BLK: variants seen among roughly 807,000 people sequenced by gnomAD.
BLK encodes the protein tyrosine-protein kinase Blk.
A neutral mutation model predicts 61.8 loss-of-function variants in BLK; 64 were observed. That is an observed-to-expected ratio of 1.03 (90% CI 0.85 to 1.27). BLK has a LOEUF of 1.27. BLK is among the 50% of genes most tolerant of loss of function. BLK has a pLI of 0.00. For missense variants in BLK, 853 were observed against 660.5 expected, an observed-to-expected ratio of 1.29 and a Z score of -3.19; for synonymous variants, 351 against 272.0, an observed-to-expected ratio of 1.29 and a Z score of -2.86.
In BLK at chr8:11,561,373, G is replaced by T. The variant is rs1801500191; in HGVS notation, c.1101G>T (p.Leu367=). 6.2e-7 allele frequency: 1 copy of T among 1,614,004 alleles called. No individual in the cohort carries two copies. Among genetic ancestry groups the T allele is most frequent in the South Asian group, 1.1e-5 (1 of 91,072 alleles). Reference sequence around the variant, plus strand: ...GCGACCTGCGGGCGGCCAACATCCTGGTGTCTGAGGCCTTGTGCTGCAAAA... The same window carrying T: ...GCGACCTGCGGGCGGCCAACATCCTTGTGTCTGAGGCCTTGTGCTGCAAAA... The part of the protein sequence containing the change: ...IHRDLRAANI[L]VSEALCCKIA... The change falls in exon 11 of 13, where the codon CTG becomes CTT. Residue 367 remains leucine (L), a synonymous_variant. Transcript: ENST00000259089.
At chr8:11,495,719 G>A (rs921043728) in intron 1 of BLK, among the ~76,000 whole-genome samples, 1 of 152,130 alleles carries the variant, frequency 6.6e-6, no homozygotes, top group South Asian at 2.1e-4. Flanking sequence ...CCCAGAATTC[G>A]CATCCTGTAT....
chr8:11,550,870 T>C (rs1487500141), intron 6 of BLK, among the ~76,000 whole-genome samples: 1 of 152,226 alleles, frequency 6.6e-6, no homozygotes, highest in African/African-American at 2.4e-5. Context: ...AAAACACATA[T>C]AAAGCTTGCA....
intron 2 of BLK, among the ~76,000 whole-genome samples, chr8:11,543,910 A>T (rs1200114848): frequency 3.3e-5 from 5 of 152,046 alleles, no homozygotes; most frequent in South Asian, 4.1e-4. Context: ...ATGCAGTTTG[A>T]TTTGTTTATA....
At chr8:11,529,858 C>T (rs1268127121) in intron 1 of BLK, among the ~76,000 whole-genome samples, 1 of 152,130 alleles carries the variant, frequency 6.6e-6, no homozygotes, top group Non-Finnish European at 1.5e-5. Flanking sequence ...TTTCAAAAGT[C>T]CTAGCTTCAG....
chr8:11,532,745 G>A (rs567775839), intron 1 of BLK, among the ~76,000 whole-genome samples: 1 of 152,330 alleles, frequency 6.6e-6, no homozygotes, highest in South Asian at 2.1e-4. Context: ...TGAGAGTCAT[G>A]TTTTTCTGTT....
intron 1 of BLK, among the ~76,000 whole-genome samples, chr8:11,521,522 C>T (rs1353363428): frequency 6.6e-6 from 1 of 152,230 alleles, no homozygotes; most frequent in Non-Finnish European, 1.5e-5. Flanking sequence ...AATTCCTGGG[C>T]TTAAGTGGTA....
At chr8:11,544,579 T>C (rs962279938) in intron 2 of BLK, among the ~76,000 whole-genome samples, 1 of 152,200 alleles carries the variant, frequency 6.6e-6, no homozygotes, top group Non-Finnish European at 1.5e-5. Flanking sequence ...GATTGAGTAA[T>C]TTCCCCAAAA....
chr8:11,497,909 G>C (rs1272605944), intron 1 of BLK, among the ~76,000 whole-genome samples: 1 of 152,194 alleles, frequency 6.6e-6, no homozygotes, highest in Non-Finnish European at 1.5e-5. Flanking sequence ...TGCCAGCTGG[G>C]AGTGTGAAGT....
At chr8:11,527,055 G>A (rs1799685017) in intron 1 of BLK, among the ~76,000 whole-genome samples, 1 of 152,116 alleles carries the variant, frequency 6.6e-6, no homozygotes, top group Non-Finnish European at 1.5e-5. Context: ...TTCGTTAGAG[G>A]ACGTCCTAGT....
At chr8:11,521,081 A>G (rs980562402) in intron 1 of BLK, among the ~76,000 whole-genome samples, 2 of 152,230 alleles carry the variant, frequency 1.3e-5, no homozygotes, top group Non-Finnish European at 2.9e-5. Flanking sequence ...ATGTGGTTCT[A>G]TGCAGGAAAA....
chr8:11,546,228 T>A, intron 3 of BLK, 125 bp downstream of exon 3: 2 of 1,175,262 alleles, frequency 1.7e-6, no homozygotes, highest in Non-Finnish European at 2.5e-6. Flanking sequence ...ACGGGGAAGC[T>A]GAGAGAGGCC....
At position 11,549,017 on chromosome 8, in the gene BLK, C is replaced by A. The variant is rs1800779424; in HGVS notation, c.270-7C>A. 6.2e-7 allele frequency: 1 copy of A among 1,603,810 alleles called. No individual in the cohort carries two copies. The highest frequency in any genetic ancestry group is 8.5e-7 in the Non-Finnish European group (1 of 1,174,980). ...GATCTCATCTCTGTTTCCCCTGCTC[C>A]CATTAGAACTGGAGACTGGTGGCTG... On this transcript the variant is annotated splice_polypyrimidine_tract_variant and splice_region_variant and intron_variant, in intron 4 of 12. Coordinates refer to ENST00000259089, the MANE Select transcript of BLK (RefSeq NM_001715.3).
intron 5 of BLK, among the ~76,000 whole-genome samples, chr8:11,549,598 A>T (rs943278499): frequency 1.3e-5 from 2 of 152,208 alleles, no homozygotes; most frequent in Non-Finnish European, 2.9e-5. Flanking sequence ...GGACTCGGCC[A>T]GCCAGAGCCC....
chr8:11,539,015 G>GAAAA (rs753237625), intron 1 of BLK, among the ~76,000 whole-genome samples: 1 of 151,876 alleles, frequency 6.6e-6, no homozygotes, highest in Non-Finnish European at 1.5e-5. Context: ...AATCCATTTA[G>GAAAA]AAAATACTTT....
rs776342813 is a variant in BLK at position 11,558,011 on chromosome 8, C to G, written c.1002C>G (p.Leu334=). 3.1e-6 allele frequency: 5 copies of G among 1,613,986 alleles called. No homozygotes were observed. Among genetic ancestry groups the G allele is most frequent in the Middle Eastern group, 1.6e-4 (1 of 6,082 alleles). Reference sequence around the variant, plus strand: ...CAGATGAAGGGAGCAGATTGTCACTCCCAAGGCTGATTGACATGTCGGCGC... The same window carrying G: ...CAGATGAAGGGAGCAGATTGTCACTGCCAAGGCTGATTGACATGTCGGCGC... ...LKTDEGSRLS[L]PRLIDMSAQI... The change falls in exon 10 of 13, where the codon CTC becomes CTG. Residue 334 remains leucine (L), a synonymous_variant. Coordinates refer to ENST00000259089, the MANE Select transcript of BLK (RefSeq NM_001715.3).
At chr8:11,549,610 C>G (rs1322597726) in intron 5 of BLK, among the ~76,000 whole-genome samples, 2 of 152,250 alleles carry the variant, frequency 1.3e-5, no homozygotes, top group Non-Finnish European at 2.9e-5. Context: ...CCAGAGCCCC[C>G]ACGAATCTGC....
chr8:11,513,827 C>T (rs192683181), intron 1 of BLK, among the ~76,000 whole-genome samples: 1 of 152,176 alleles, frequency 6.6e-6, no homozygotes, highest in Admixed American at 6.5e-5. Context: ...ACCACCGCCG[C>T]GCACTGCATG....
At chr8:11,547,560 G>C (rs533966694) in intron 3 of BLK, among the ~76,000 whole-genome samples, 164 of 152,354 alleles carry the variant, frequency 1.1e-3, no homozygotes, top group African/African-American at 3.8e-3. Context: ...ACAGACAGTG[G>C]AGAGGCCAGG....
chr8:11,501,849 G>A (rs1469820826), intron 1 of BLK, among the ~76,000 whole-genome samples: 2 of 152,178 alleles, frequency 1.3e-5, no homozygotes, highest in South Asian at 2.1e-4. Context: ...TGCCATGAGC[G>A]GCTTCTTTGT....
Sources: allele counts gnomAD v4.1 joint callset (sites outside exome capture counted in the v4.1 genomes callset), GRCh38; gene constraint gnomAD v4.1.1; transcripts MANE v1.5; gene names NCBI Gene and HGNC (gene_info 2026-07-23, HGNC 2026-07-21).